ZSWIM6: variants seen among roughly 807,000 people sequenced by gnomAD.
The protein encoded by ZSWIM6 is zinc finger SWIM-type containing 6.
In ZSWIM6, 9 loss-of-function variants were observed where a neutral mutation model predicts 113.2. The observed-to-expected ratio is 0.08, with a 90% CI of 0.05 to 0.14. ZSWIM6 has a LOEUF of 0.14. Among genes scored for constraint, ZSWIM6 ranks in the 10% least tolerant of loss-of-function variants. The pLI is 1.00. For missense variants in ZSWIM6, 1,162 were observed against 1,552.2 expected, an observed-to-expected ratio of 0.75 and a Z score of 4.22; for synonymous variants, 611 against 606.5, an observed-to-expected ratio of 1.01 and a Z score of -0.11.
intron 1 of ZSWIM6, among the ~76,000 whole-genome samples, chr5:61,463,526 T>C (rs1354171206): frequency 6.6e-6 from 1 of 152,188 alleles, no homozygotes; most frequent in African/African-American, 2.4e-5. Context: ...GCAATCTTTG[T>C]TATCATATGC....
intron 2 of ZSWIM6, among the ~76,000 whole-genome samples, chr5:61,484,026 G>GA (rs907198766): frequency 1.8e-4 from 28 of 151,778 alleles, no homozygotes; most frequent in African/African-American, 6.0e-4. Flanking sequence ...CTATTAGCAT[G>GA]AAAAAAAATA....
chr5:61,509,873 T>G (rs187869907), intron 4 of ZSWIM6, among the ~76,000 whole-genome samples: 56 of 152,210 alleles, frequency 3.7e-4, no homozygotes, highest in African/African-American at 1.3e-3. Context: ...GTATTCAGAG[T>G]GATTTTGAGT....
intron 1 of ZSWIM6, among the ~76,000 whole-genome samples, chr5:61,381,046 CA>C (rs1183056819): frequency 2.7e-5 from 4 of 150,816 alleles, no homozygotes; most frequent in Non-Finnish European, 5.9e-5. Flanking sequence ...ATCAGGAGTT[CA>C]AGACCAGCCT....
rs1749864769 is a variant in ZSWIM6 at position 61,545,534 on chromosome 5, A to T, written c.*1217A>T. The stretch of plus-strand genomic sequence containing the variant: ...TACATTACGCCTTTGCAGTGAGCTA[A>T]TAATAAGCTAACCTTTGTGCACAAA... On this transcript the variant is annotated 3_prime_UTR_variant, in exon 14 of 14. Transcript: ENST00000252744. The T allele has an allele frequency of 1.3e-5, 2 of 152,182 alleles. No individual in the cohort carries two copies. The allele number at this position is 152,182 out of a possible 1,614,324, so 9.4% of individuals were successfully genotyped here. A position where few individuals can be genotyped will look rare whatever the true frequency, so the allele number is the denominator to read the frequency against.
intron 1 of ZSWIM6, among the ~76,000 whole-genome samples, chr5:61,433,107 T>C (rs1746620685): frequency 6.6e-6 from 1 of 152,248 alleles, no homozygotes; most frequent in Non-Finnish European, 1.5e-5. Context: ...CTCCATTATG[T>C]CTTGAAAATT....
intron 4 of ZSWIM6, among the ~76,000 whole-genome samples, chr5:61,504,366 T>A (rs1454518688): frequency 6.6e-6 from 1 of 152,152 alleles, no homozygotes; most frequent in Non-Finnish European, 1.5e-5. Context: ...GGGAAATGCA[T>A]GGGGAGTGAT....
At chr5:61,357,137 C>T (rs1744931765) in intron 1 of ZSWIM6, among the ~76,000 whole-genome samples, 1 of 151,968 alleles carries the variant, frequency 6.6e-6, no homozygotes, top group South Asian at 2.1e-4. Context: ...AATAAGCATT[C>T]CAGGTGATTC....
intron 10 of ZSWIM6, among the ~76,000 whole-genome samples, chr5:61,537,240 A>C (rs1749599371): frequency 6.6e-6 from 1 of 152,210 alleles, no homozygotes; most frequent in South Asian, 2.1e-4. Flanking sequence ...GGTTGCTGCC[A>C]AGGCAGTTTC....
chr5:61,526,216 G>A (rs1427516107), intron 6 of ZSWIM6, 34 bp from the exon 7 acceptor site: 3 of 1,523,940 alleles, frequency 2.0e-6, no homozygotes, highest in African/African-American at 2.8e-5. Context: ...ATATCTGACA[G>A]TGGCAACTTT....
In ZSWIM6 at chr5:61,356,738, AT is replaced by A. The variant is rs66476065; in HGVS notation, c.676+23792del. ...ATATATAACATAATATATAATATAT[AT>A]TATATATATATATTATATATAATAT... On this transcript the variant is annotated intron_variant, in intron 1 of 13. Transcript: ENST00000252744. Among the ~76,000 whole-genome samples, 793 of 137,232 alleles carry A rather than the reference AT, an allele frequency of 5.8e-3. 8 individuals carry two copies. The highest frequency in any genetic ancestry group is 0.019 in the African/African-American group (703 of 37,138). The allele number at this position is 137,232 out of a possible 152,430, so 90.0% of individuals were successfully genotyped here. A position where few individuals can be genotyped will look rare whatever the true frequency, so the allele number is the denominator to read the frequency against.
Position 61,544,421 on chromosome 5 carries a change from C to A in ZSWIM6, c.*104C>A, listed in dbSNP as rs779627872. On this transcript the variant is annotated 3_prime_UTR_variant, in exon 14 of 14. Transcript: ENST00000252744. ...TTTAACTTAAAGAACAGAGCCACAC[C>A]GGTATTATATGTGTATAGTTATATT... is the stretch of plus-strand genomic sequence containing the variant. 1.5e-5 allele frequency: 11 copies of A among 745,570 alleles called. No homozygotes were observed. Among genetic ancestry groups the A allele is most frequent in the Non-Finnish European group, 2.4e-5 (11 of 459,908 alleles). The allele number at this position is 745,570 out of a possible 1,614,324, so 46.2% of individuals were successfully genotyped here.
chr5:61,533,070 T>C (rs932704647), intron 9 of ZSWIM6, among the ~76,000 whole-genome samples: 2 of 152,224 alleles, frequency 1.3e-5, no homozygotes, highest in East Asian at 3.8e-4. Flanking sequence ...TTCATGAATA[T>C]TTTTGAACTT....
rs1399421360 is a variant in ZSWIM6 at position 61,442,842 on chromosome 5, CT to C, written c.677-29838del. Among the ~76,000 whole-genome samples the C allele has an allele frequency of 2.0e-5, 3 of 152,266 alleles. No homozygotes were observed. In the East Asian group the frequency reaches 5.8e-4, roughly 29 times the overall value. On this transcript the variant is annotated intron_variant, in intron 1 of 13. Transcript: ENST00000252744. The stretch of plus-strand genomic sequence containing the variant: ...GAGGGAGAGAAATGTGCCTTAAATT[CT>C]ATTTATAAGAGTATACTCTACTCCA...
At chr5:61,372,797 C>T (rs915812309) in intron 1 of ZSWIM6, among the ~76,000 whole-genome samples, 12 of 152,102 alleles carry the variant, frequency 7.9e-5, no homozygotes, top group African/African-American at 2.9e-4. Flanking sequence ...GTAAATGACA[C>T]CATCATTTAT....
intron 1 of ZSWIM6, among the ~76,000 whole-genome samples, chr5:61,419,619 C>T (rs6449532): frequency 0.36 from 54,044 of 152,058 alleles, 9,789 homozygotes; most frequent in African/African-American, 0.41. Flanking sequence ...TTACATGTGG[C>T]TAGTGGCTAA....
chr5:61,353,478 A>G (rs1044354502), intron 1 of ZSWIM6, among the ~76,000 whole-genome samples: 4 of 152,272 alleles, frequency 2.6e-5, no homozygotes, highest in African/African-American at 7.2e-5. Flanking sequence ...TTGTTTTCCA[A>G]GTGTTGCTAG....
chr5:61,409,361 T>C (rs1488850472), intron 1 of ZSWIM6, among the ~76,000 whole-genome samples: 2 of 152,058 alleles, frequency 1.3e-5, no homozygotes, highest in Non-Finnish European at 2.9e-5. Context: ...CAGAAAGAAA[T>C]TGTAAAAGTT....
intron 4 of ZSWIM6, among the ~76,000 whole-genome samples, chr5:61,509,768 C>T (rs1238549910): frequency 6.6e-6 from 1 of 152,092 alleles, no homozygotes; most frequent in Non-Finnish European, 1.5e-5. Flanking sequence ...GTTCCAAGAA[C>T]TCATCATTAC....
intron 1 of ZSWIM6, among the ~76,000 whole-genome samples, chr5:61,393,279 C>T (rs906372213): frequency 6.6e-6 from 1 of 151,788 alleles, no homozygotes; most frequent in African/African-American, 2.4e-5. Flanking sequence ...AACTCCTGAC[C>T]TCATGATCCA....
Sources: allele counts gnomAD v4.1 joint callset (sites outside exome capture counted in the v4.1 genomes callset), GRCh38; gene constraint gnomAD v4.1.1; transcripts MANE v1.5; gene names NCBI Gene and HGNC (gene_info 2026-07-23, HGNC 2026-07-21).